Variants in PLXDC2 observed in about 807,000 individuals in gnomAD.
PLXDC2 encodes the protein plexin domain containing 2, also known as plexin domain-containing protein 2.
A neutral mutation model predicts 68.9 loss-of-function variants in PLXDC2; 40 were observed. The observed-to-expected ratio is 0.58, with a 90% CI of 0.45 to 0.76. PLXDC2 has a LOEUF of 0.76. Among genes scored for constraint, PLXDC2 ranks in the 30% least tolerant of loss-of-function variants. The probability of loss-of-function intolerance (pLI) is 0.00; values close to 1 mark genes in which losing one functional copy is unlikely to be tolerated. For synonymous variants in PLXDC2, 243 were observed against 234.2 expected (o/e 1.04, Z -0.34); for missense variants, 644 against 661.9 (o/e 0.97, Z 0.30).
chr10:20,139,753 A>G (rs1833976807), intron 4 of PLXDC2, among the ~76,000 whole-genome samples: 1 of 151,962 alleles, frequency 6.6e-6, no homozygotes, highest in African/African-American at 2.4e-5. Context: ...CTAATACAGG[A>G]ACAGAAAACC....
intron 1 of PLXDC2, among the ~76,000 whole-genome samples, chr10:19,966,842 A>G (rs956269350): frequency 2.0e-5 from 3 of 151,932 alleles, no homozygotes; most frequent in African/African-American, 7.3e-5. Context: ...TCCCTCACAT[A>G]TCCTGGCCTG....
Position 20,000,157 on chromosome 10 carries a change from A to G in PLXDC2, c.113-1618A>G, listed in dbSNP as rs544588750. On this transcript the variant is annotated intron_variant, in intron 1 of 13. Transcript: ENST00000377252. The stretch of plus-strand genomic sequence containing the variant: ...GGCCAGTAGGGACAACAGTGTTATA[A>G]AAAGAGATATTTTCTACAGTGACGA... Among the ~76,000 whole-genome samples the G allele has an allele frequency of 7.9e-5, 12 of 152,322 alleles. No homozygotes were observed. The East Asian group carries it at 2.3e-3, about 29-fold the overall frequency.
chr10:20,211,029 A>C (rs891030220), intron 9 of PLXDC2, among the ~76,000 whole-genome samples: 7 of 152,086 alleles, frequency 4.6e-5, no homozygotes, highest in Non-Finnish European at 8.8e-5. Context: ...AATAAATCAA[A>C]TTGTCAGCAT....
At chr10:19,907,751 C>T (rs955051592) in intron 1 of PLXDC2, among the ~76,000 whole-genome samples, 1 of 152,154 alleles carries the variant, frequency 6.6e-6, no homozygotes, top group Non-Finnish European at 1.5e-5. Flanking sequence ...ATTGTGGAAA[C>T]CTGTCTATTT....
At chr10:20,028,624 G>C (rs943941352) in intron 2 of PLXDC2, among the ~76,000 whole-genome samples, 1 of 152,138 alleles carries the variant, frequency 6.6e-6, no homozygotes, top group African/African-American at 2.4e-5. Flanking sequence ...GTTATACTAA[G>C]TCCTTCAGGG....
At chr10:20,274,250 A>C (rs964995356) in intron 13 of PLXDC2, among the ~76,000 whole-genome samples, 1 of 152,216 alleles carries the variant, frequency 6.6e-6, no homozygotes, top group Non-Finnish European at 1.5e-5. Context: ...AATAATGCAC[A>C]TTAAGTGTTT....
intron 2 of PLXDC2, among the ~76,000 whole-genome samples, chr10:20,006,300 C>G (rs552385246): frequency 2.0e-5 from 3 of 152,338 alleles, no homozygotes; most frequent in Non-Finnish European, 2.9e-5. Context: ...AGTGAATACT[C>G]TGTGCCTGGC....
chr10:19,923,352 A>G (rs755117566), intron 1 of PLXDC2, among the ~76,000 whole-genome samples: 8 of 152,246 alleles, frequency 5.3e-5, no homozygotes, highest in African/African-American at 9.6e-5. Context: ...TAGAACAATG[A>G]CAATCCAAAT....
At chr10:20,057,880 A>G (rs1188881970) in intron 3 of PLXDC2, among the ~76,000 whole-genome samples, 1 of 151,926 alleles carries the variant, frequency 6.6e-6, no homozygotes, top group Non-Finnish European at 1.5e-5. Flanking sequence ...AAAAAATCAG[A>G]AAGTTGATAA....
chr10:20,176,730 A>G (rs1472571714), intron 7 of PLXDC2, among the ~76,000 whole-genome samples: 1 of 152,122 alleles, frequency 6.6e-6, no homozygotes, highest in Non-Finnish European at 1.5e-5. Flanking sequence ...AATCTTTAGT[A>G]TAGTCTGAGT....
At chr10:19,929,779 A>C (rs1162705282) in intron 1 of PLXDC2, among the ~76,000 whole-genome samples, 1 of 152,234 alleles carries the variant, frequency 6.6e-6, no homozygotes, top group African/African-American at 2.4e-5. Context: ...GCATGTCCCA[A>C]GGTAAAGGAC....
intron 2 of PLXDC2, among the ~76,000 whole-genome samples, chr10:20,033,733 G>A (rs949827698): frequency 2.1e-4 from 32 of 152,062 alleles, no homozygotes; most frequent in African/African-American, 6.5e-4. Flanking sequence ...TACCTCCCTC[G>A]AGTTCCTTCC....
chr10:20,165,834 A>G (rs987862095), intron 7 of PLXDC2, among the ~76,000 whole-genome samples: 1 of 152,150 alleles, frequency 6.6e-6, no homozygotes, highest in Non-Finnish European at 1.5e-5. Context: ...TGCTAACTGC[A>G]TTAGCCATTC....
At chr10:19,990,987 C>G (rs1218237364) in intron 1 of PLXDC2, among the ~76,000 whole-genome samples, 1 of 152,146 alleles carries the variant, frequency 6.6e-6, no homozygotes, top group African/African-American at 2.4e-5. Context: ...TGGCTCATGC[C>G]TGTAATCCCA....
chr10:19,981,605 T>C lies in PLXDC2; in HGVS notation c.113-20170T>C, dbSNP rs575741624. On this transcript the variant is annotated intron_variant, in intron 1 of 13. Coordinates refer to ENST00000377252, the MANE Select transcript of PLXDC2 (RefSeq NM_032812.9). ...CTTACTCAGAACATGGAAGCATCTC[T>C]GCACAAAATGATGGGTCAAGATGGA... 6.6e-4 allele frequency among the ~76,000 whole-genome samples: 100 copies of C among 152,310 alleles called. 1 individual carries two copies. In the Middle Eastern group the frequency reaches 0.017, roughly 26 times the overall value.
In PLXDC2 at chr10:19,854,461, G is replaced by A. The variant is rs561683927; in HGVS notation, c.112+37270G>A. Among the ~76,000 whole-genome samples the A allele has an allele frequency of 3.3e-5, 5 of 152,250 alleles. No homozygotes were observed. The South Asian group carries it at 8.3e-4, about 25-fold the overall frequency. On this transcript the variant is annotated intron_variant, in intron 1 of 13. Coordinates refer to ENST00000377252, the MANE Select transcript of PLXDC2 (RefSeq NM_032812.9). ...CATTTGAGGTGGTCACAACTTGAGGGGTGCTACTGGTGTCTAGTGAGTAGA... is the reference window on the plus strand; with the variant it reads ...CATTTGAGGTGGTCACAACTTGAGGAGTGCTACTGGTGTCTAGTGAGTAGA...
At chr10:20,231,706 A>T (rs1445141757) in intron 12 of PLXDC2, among the ~76,000 whole-genome samples, 1 of 152,042 alleles carries the variant, frequency 6.6e-6, no homozygotes, top group East Asian at 1.9e-4. Context: ...TTTTTTAAAA[A>T]TTATAAACAT....
intron 7 of PLXDC2, among the ~76,000 whole-genome samples, chr10:20,173,935 A>G (rs10740966): frequency 6.6e-6 from 1 of 152,050 alleles, no homozygotes; most frequent in African/African-American, 2.4e-5. Context: ...GTTAAATTCA[A>G]CTCCTCTCAA....
chr10:19,987,825 C>T (rs927610645), intron 1 of PLXDC2, among the ~76,000 whole-genome samples: 4 of 152,138 alleles, frequency 2.6e-5, no homozygotes, highest in Non-Finnish European at 5.9e-5. Context: ...GCCTTGACCT[C>T]CCAAAGTGCT....
Sources: allele counts gnomAD v4.1 joint callset (sites outside exome capture counted in the v4.1 genomes callset), GRCh38; gene constraint gnomAD v4.1.1; transcripts MANE v1.5; gene names NCBI Gene and HGNC (gene_info 2026-07-23, HGNC 2026-07-21).